KCNH4: variants seen among roughly 807,000 people sequenced by gnomAD.
KCNH4 encodes potassium voltage-gated channel subfamily H member 4.
KCNH4 carries 33 observed loss-of-function variants against 90.7 expected under a neutral mutation model. The ratio of observed to expected loss-of-function variants is 0.36; its 90% CI spans 0.28 to 0.49. The LOEUF (loss-of-function observed/expected upper bound fraction) is 0.49, where lower values mean the gene tolerates loss of function less well. Ranked by LOEUF, KCNH4 falls within the 20% of genes least tolerant of loss-of-function variation. KCNH4 has a pLI of 0.98. For synonymous variants in KCNH4, 551 were observed against 581.7 expected, an observed-to-expected ratio of 0.95 and a Z score of 0.76; for missense variants, 1,044 against 1,387.1, an observed-to-expected ratio of 0.75 and a Z score of 3.93.
intron 14 of KCNH4, among the ~76,000 whole-genome samples, chr17:42,162,536 G>C (rs892968653): frequency 3.3e-5 from 5 of 151,984 alleles, no homozygotes; most frequent in Non-Finnish European, 5.9e-5. Flanking sequence ...TTGGTACGGA[G>C]CTTCTCTTTG....
chr17:42,167,179 C>T (rs2079793899), intron 9 of KCNH4, among the ~76,000 whole-genome samples: 1 of 152,138 alleles, frequency 6.6e-6, no homozygotes, highest in Non-Finnish European at 1.5e-5. Context: ...TCTCACTTTC[C>T]ACACTCTCCC....
chr17:42,161,949 TC>T (rs1215772697), intron 15 of KCNH4, among the ~76,000 whole-genome samples: 1 of 146,240 alleles, frequency 6.8e-6, no homozygotes, highest in Non-Finnish European at 1.5e-5. Context: ...TGAATATCTC[TC>T]TCTTTTTTTT....
At chr17:42,178,558 G>A (rs1247957052) in intron 2 of KCNH4, 81 bp from the exon 3 acceptor site, 5 of 1,523,610 alleles carry the variant, frequency 3.3e-6, no homozygotes, top group Non-Finnish European at 4.5e-6. Context: ...CATCCTCCTA[G>A]ACATAGTTAA....
intron 16 of KCNH4, among the ~76,000 whole-genome samples, chr17:42,159,045 T>C (rs780704563): frequency 6.6e-6 from 1 of 151,918 alleles, no homozygotes; most frequent in Non-Finnish European, 1.5e-5. Context: ...TTTTTTTTAT[T>C]TTGAGACAGA....
Position 42,160,360 on chromosome 17 carries a change from G to A in KCNH4, c.2734C>T (p.Leu912=), listed in dbSNP as rs1190421146. Residue 912 remains leucine (L), a synonymous_variant, in exon 16 of 17, where the codon CTG becomes TTG. Transcript: ENST00000264661. ...RHIMGLLQAR[L]GPPGHPAGSA... Reference sequence around the variant, plus strand: ...CCTGCTGGGTGGCCTGGGGGACCCAGCCTGGCCTGCAGCAGGCCCATGATG... The same window carrying A: ...CCTGCTGGGTGGCCTGGGGGACCCAACCTGGCCTGCAGCAGGCCCATGATG... 2.5e-6 allele frequency: 4 copies of A among 1,614,080 alleles called. No individual in the cohort carries two copies. The highest frequency in any genetic ancestry group is 2.2e-5 in the East Asian group (1 of 44,860).
At chr17:42,175,553 T>A (rs1396067760) in intron 6 of KCNH4, 26 bp downstream of exon 6, 14 of 1,613,868 alleles carry the variant, frequency 8.7e-6, no homozygotes, top group Non-Finnish European at 1.2e-5. Context: ...GAGGTTGGAC[T>A]GGATGGCGGG....
intron 4 of KCNH4, among the ~76,000 whole-genome samples, chr17:42,177,133 TC>T (rs1378717770): frequency 6.6e-6 from 1 of 151,828 alleles, no homozygotes; most frequent in African/African-American, 2.4e-5. Flanking sequence ...CACCGCAACC[TC>T]CACCTCCCGG....
chr17:42,164,299 A>T (rs1164830734), intron 11 of KCNH4, 131 bp from the exon 12 acceptor site: 2 of 789,108 alleles, frequency 2.5e-6, no homozygotes, highest in Non-Finnish European at 3.9e-6. Context: ...GTCAGAAACT[A>T]TAACCCTAAC....
intron 16 of KCNH4, among the ~76,000 whole-genome samples, chr17:42,159,385 G>A (rs190439005): frequency 7.9e-4 from 121 of 152,220 alleles, no homozygotes; most frequent in Non-Finnish European, 1.4e-3. Flanking sequence ...TGCGCGAGCC[G>A]AAGAGTACAT....
intron 9 of KCNH4, among the ~76,000 whole-genome samples, chr17:42,167,147 T>C (rs1435180609): frequency 1.3e-5 from 2 of 152,156 alleles, no homozygotes; most frequent in Non-Finnish European, 2.9e-5. Context: ...CAGGCTCCTC[T>C]TCCTCAGCCA....
At chr17:42,167,988 T>C (rs1291876139) in intron 9 of KCNH4, among the ~76,000 whole-genome samples, 1 of 152,184 alleles carries the variant, frequency 6.6e-6, no homozygotes, top group Non-Finnish European at 1.5e-5. Context: ...ATTGAGCCGC[T>C]TTCAGTTCCC....
At chr17:42,162,914 C>G (rs1026703367) in intron 14 of KCNH4, among the ~76,000 whole-genome samples, 3 of 152,154 alleles carry the variant, frequency 2.0e-5, no homozygotes, top group African/African-American at 7.2e-5. Context: ...TTGCTCCACT[C>G]TTCAAGATCC....
chr17:42,178,572 C>T, intron 2 of KCNH4, 95 bp from the exon 3 acceptor site: 2 of 1,457,662 alleles, frequency 1.4e-6, no homozygotes, highest in Non-Finnish European at 1.8e-6. Flanking sequence ...TAGTTAAGAG[C>T]TTGGCAAAGC....
In KCNH4 at chr17:42,178,160, G is replaced by C; in HGVS notation, c.525C>G (p.Val175=). The change falls in exon 4 of 17, where the codon GTC becomes GTG. Residue 175 remains valine, a synonymous_variant. Transcript: ENST00000264661. Reference sequence around the variant, plus strand: ...CAAAGTGGCCGGTCAGTCGGTGTAGGACAGTACGGCTCCGTCTTCTGGCAG... The same window carrying C: ...CAAAGTGGCCGGTCAGTCGGTGTAGCACAGTACGGCTCCGTCTTCTGGCAG... ...FRSARRRSRT[V]LHRLTGHFGR... is the part of the protein sequence containing the mutation. 6.2e-7 allele frequency: 1 copy of C among 1,614,230 alleles called. No homozygotes were observed. Among genetic ancestry groups the C allele is most frequent in the Non-Finnish European group, 8.5e-7 (1 of 1,180,048 alleles).
chr17:42,176,535 TTTTTTTG>T, intron 4 of KCNH4, among the ~76,000 whole-genome samples: 1 of 133,394 alleles, frequency 7.5e-6, no homozygotes, highest in African/African-American at 3.0e-5. Flanking sequence ...TTTTTTTTTT[TTTTTTTG>T]AGATAGGGTC....
At chr17:42,168,559 C>T (rs2079803247) in intron 9 of KCNH4, among the ~76,000 whole-genome samples, 1 of 151,960 alleles carries the variant, frequency 6.6e-6, no homozygotes, top group African/African-American at 2.4e-5. Flanking sequence ...CAGAAGAATT[C>T]CTTGAACCTG....
chr17:42,166,273 A>G (rs777945577), intron 10 of KCNH4, 24 bp downstream of exon 10: 3 of 1,577,474 alleles, frequency 1.9e-6, no homozygotes, highest in African/African-American at 2.7e-5. Context: ...CAGGGTAGGT[A>G]GTAGAGGGTG....
rs1422489056 is a variant in KCNH4 at position 42,165,445 on chromosome 17, A to C, written c.2085+4T>G. 1 of 1,614,072 alleles carries C rather than the reference A, an allele frequency of 6.2e-7. No individual in the cohort carries two copies. ...AGGATGGCGGTCATCAGGGGTGTAC[A>C]TACACTGGTGTCAGAGCCCTGGCGC... On this transcript the variant is annotated splice_donor_region_variant and intron_variant, in intron 11 of 16. Coordinates refer to ENST00000264661, the MANE Select transcript of KCNH4 (RefSeq NM_012285.3).
intron 11 of KCNH4, 94 bp downstream of exon 11, chr17:42,165,355 G>T: frequency 6.7e-7 from 1 of 1,494,018 alleles, no homozygotes; most frequent in Non-Finnish European, 9.2e-7. Flanking sequence ...TGTGTTTTTA[G>T]GGTGGAGGGA....
Sources: gnomAD v4.1 joint callset for allele counts (sites outside exome capture counted in the v4.1 genomes callset) on GRCh38, gnomAD v4.1.1 for gene constraint, MANE v1.5 for transcripts, NCBI Gene and HGNC (gene_info 2026-07-23, HGNC 2026-07-21) for gene names.